Variants in XPO1 observed in about 807,000 individuals in gnomAD.
The protein encoded by XPO1 is exportin 1.
In XPO1, 5 loss-of-function variants were observed where a neutral mutation model predicts 133.3. That is an observed-to-expected ratio of 0.04 (90% CI 0.02 to 0.08). The LOEUF (loss-of-function observed/expected upper bound fraction) is 0.08. Ranked by LOEUF, XPO1 falls within the 10% of genes least tolerant of loss-of-function variation. XPO1 has a pLI of 1.00. For missense variants in XPO1, 506 were observed against 1,267.5 expected (o/e 0.40, Z 9.12); for synonymous variants, 419 against 408.2 (o/e 1.03, Z -0.32).
At chr2:61,491,984 T>C (rs1193466967) in intron 16 of XPO1, 51 bp downstream of exon 16, 4 of 1,593,906 alleles carry the variant, frequency 2.5e-6, no homozygotes, top group Non-Finnish European at 3.4e-6. Context: ...ACATACAGAT[T>C]GATACAAGTG....
In XPO1 at chr2:61,482,765, C is replaced by A. The variant is rs1696461338; in HGVS notation, c.2812+192G>T. The A allele has an allele frequency of 5.3e-6, 4 of 761,882 alleles. No homozygotes were observed. In the South Asian group the frequency reaches 8.0e-5, roughly 15 times the overall value. 47.2% of individuals were successfully genotyped at this position (761,882 alleles called of 1,614,324 possible). A position where few individuals can be genotyped will look rare whatever the true frequency, so the allele number is the denominator to read the frequency against. On this transcript the variant is annotated intron_variant, in intron 22 of 24. Coordinates refer to ENST00000401558, the MANE Select transcript of XPO1 (RefSeq NM_003400.4). Reference sequence around the variant, plus strand: ...GGATTGCAATCACATGCCACCATGCCCAGTATTTTTATTGTATCTTTTATT... The same window carrying A: ...GGATTGCAATCACATGCCACCATGCACAGTATTTTTATTGTATCTTTTATT...
At chr2:61,511,475 T>C (rs1698094241) in intron 4 of XPO1, among the ~76,000 whole-genome samples, 1 of 150,970 alleles carries the variant, frequency 6.6e-6, no homozygotes, top group Non-Finnish European at 1.5e-5. Context: ...AGTGCAGTGG[T>C]GCAATCAATC....
chr2:61,489,867 A>G (rs1048221672), intron 17 of XPO1, among the ~76,000 whole-genome samples: 2 of 148,836 alleles, frequency 1.3e-5, no homozygotes, highest in South Asian at 2.1e-4. Flanking sequence ...TCCTATTTTA[A>G]TATCAAATGA....
At chr2:61,503,670 T>C (rs1324309325) in intron 4 of XPO1, among the ~76,000 whole-genome samples, 1 of 151,634 alleles carries the variant, frequency 6.6e-6, no homozygotes, top group Non-Finnish European at 1.5e-5. Context: ...GTGATCTGCC[T>C]GCCTCGGCCT....
intron 23 of XPO1, among the ~76,000 whole-genome samples, chr2:61,482,055 T>TTTTGTTTTTTTTTG (rs1696398439): frequency 7.3e-6 from 1 of 136,514 alleles, no homozygotes; most frequent in East Asian, 2.0e-4. Context: ...TTTTTTTTTT[T>TTTTGTTTTTTTTTG]TTGCTTTTTT....
intron 4 of XPO1, among the ~76,000 whole-genome samples, chr2:61,517,789 T>A (rs970686880): frequency 6.6e-6 from 1 of 152,052 alleles, no homozygotes; most frequent in Admixed American, 6.6e-5. Flanking sequence ...AAATTTTTTT[T>A]AATTAGCTGG....
intron 4 of XPO1, among the ~76,000 whole-genome samples, chr2:61,518,726 A>G (rs910437850): frequency 6.6e-6 from 1 of 152,184 alleles, no homozygotes; most frequent in African/African-American, 2.4e-5. Context: ...TAAAGTGACT[A>G]AAACAGCCAA....
At chr2:61,485,588 G>C in intron 20 of XPO1, 180 bp downstream of exon 20, 1 of 543,870 alleles carries the variant, frequency 1.8e-6, no homozygotes, top group Non-Finnish European at 3.0e-6. Flanking sequence ...GCCCAGGTTG[G>C]TTTCAAACTC....
intron 7 of XPO1, among the ~76,000 whole-genome samples, chr2:61,499,482 A>G (rs1697399517): frequency 6.6e-6 from 1 of 152,238 alleles, no homozygotes; most frequent in African/African-American, 2.4e-5. Flanking sequence ...TAAACTAGTT[A>G]CCATACAAAA....
intron 3 of XPO1, chr2:61,525,229 TG>T: frequency 1.0e-6 from 1 of 980,922 alleles, no homozygotes; most frequent in Non-Finnish European, 1.2e-6. Context: ...CAAAAACAAT[TG>T]ATGAACAGAA....
intron 16 of XPO1, among the ~76,000 whole-genome samples, chr2:61,491,430 GAC>G (rs1696978213): frequency 6.8e-6 from 1 of 147,730 alleles, no homozygotes; most frequent in African/African-American, 2.5e-5. Context: ...CAGCATGGAC[GAC>G]AGAGTGAAAC....
At chr2:61,535,943 C>T (rs1416657834) in intron 1 of XPO1, among the ~76,000 whole-genome samples, 1 of 152,176 alleles carries the variant, frequency 6.6e-6, no homozygotes, top group African/African-American at 2.4e-5. Flanking sequence ...GTCCACAAAG[C>T]ACCAAGATCC....
At chr2:61,518,232 AAC>A (rs1471095688) in intron 4 of XPO1, among the ~76,000 whole-genome samples, 3 of 151,866 alleles carry the variant, frequency 2.0e-5, no homozygotes, top group South Asian at 2.1e-4. Context: ...CAGCCTGAGC[AAC>A]AGAGTGAAAC....
At chr2:61,531,505 TTC>T (rs956237339) in intron 2 of XPO1, among the ~76,000 whole-genome samples, 5 of 152,218 alleles carry the variant, frequency 3.3e-5, no homozygotes, top group Non-Finnish European at 7.3e-5. Flanking sequence ...TTGCCACTAA[TTC>T]TGTTACAAGC....
chr2:61,498,529 G>A, intron 9 of XPO1, 144 bp downstream of exon 9: 1 of 984,136 alleles, frequency 1.0e-6, no homozygotes. Flanking sequence ...TACTAGGTGT[G>A]AATATGGGAA....
chr2:61,493,521 T>G (rs912402132), intron 12 of XPO1: 1 of 201,958 alleles, frequency 5.0e-6, no homozygotes, highest in Non-Finnish European at 1.0e-5. Flanking sequence ...AGAAAAAATT[T>G]TTTTTCACTG....
chr2:61,532,125 T>C (rs1457247562), intron 2 of XPO1, among the ~76,000 whole-genome samples: 2 of 151,910 alleles, frequency 1.3e-5, no homozygotes, highest in African/African-American at 4.8e-5. Context: ...TATTTTATTT[T>C]ATTTATTTAT....
chr2:61,503,486 G>A (rs528097618), intron 4 of XPO1, among the ~76,000 whole-genome samples: 78 of 151,664 alleles, frequency 5.1e-4, no homozygotes, highest in African/African-American at 1.8e-3. Context: ...GTGCAGTGGC[G>A]CGATCTCGCC....
At chr2:61,486,099 T>A in intron 19 of XPO1, 137 bp from the exon 20 acceptor site, 1 of 803,668 alleles carries the variant, frequency 1.2e-6, no homozygotes, top group Non-Finnish European at 1.9e-6. Flanking sequence ...TGTATTAGGG[T>A]TTCCTACGTC....
Sources: gnomAD v4.1 joint callset for allele counts (sites outside exome capture counted in the v4.1 genomes callset) on GRCh38, gnomAD v4.1.1 for gene constraint, MANE v1.5 for transcripts, NCBI Gene and HGNC (gene_info 2026-07-23, HGNC 2026-07-21) for gene names.